Variants in ROS1 observed in about 807,000 individuals in gnomAD.
ROS1 encodes the protein ROS proto-oncogene 1, receptor tyrosine kinase.
In ROS1, 263 loss-of-function variants were observed where a neutral mutation model predicts 273.5. The ratio of observed to expected loss-of-function variants is 0.96; its 90% CI spans 0.87 to 1.06. The LOEUF is 1.06. ROS1 is among the 50% of genes least tolerant of loss of function. The pLI is 0.00. For missense variants in ROS1, 2,833 were observed against 2,751.1 expected (o/e 1.03, Z -0.67); for synonymous variants, 1,008 against 954.1 (o/e 1.06, Z -1.04).
Position 117,356,699 on chromosome 6 carries a change from T to G in ROS1, c.4056A>C (p.Ala1352=). The change falls in exon 26 of 44, where the codon GCA becomes GCC. Residue 1352 remains alanine, a synonymous_variant. Transcript: ENST00000368507. The part of the protein sequence containing the change: ...LEKPLIYFAK[A]QEIWAMDLEG... ...CCAGATCCATTGCCCAGATCTCTTG[T>G]GCTTTGGCAAAGTATATCAATGGTT... 6.2e-7 allele frequency: 1 copy of G among 1,614,190 alleles called. No individual in the cohort carries two copies. The highest frequency in any genetic ancestry group is 8.5e-7 in the Non-Finnish European group (1 of 1,180,008).
intron 13 of ROS1, 144 bp downstream of exon 13, chr6:117,389,206 C>CT (rs904926452): frequency 5.1e-4 from 459 of 900,610 alleles, no homozygotes; most frequent in Middle Eastern, 1.1e-3. Flanking sequence ...AATGTATAAA[C>CT]TTTTTTTTTA....
chr6:117,288,899 CA>C (rs1402105805), intron 43 of ROS1, 97 bp from the exon 44 acceptor site: 2 of 956,392 alleles, frequency 2.1e-6, no homozygotes, highest in Non-Finnish European at 3.0e-6. Context: ...ACCAACTTTA[CA>C]CATTTGTTCA....
At chr6:117,348,116 G>C (rs1010325490) in intron 27 of ROS1, among the ~76,000 whole-genome samples, 10 of 152,014 alleles carry the variant, frequency 6.6e-5, no homozygotes, top group Non-Finnish European at 1.3e-4. Context: ...CTAATTGGAA[G>C]TAGGCCCTCT....
chr6:117,406,787 G>A lies in ROS1; in HGVS notation c.317-2359C>T, dbSNP rs187471695. On this transcript the variant is annotated intron_variant, in intron 5 of 43. Transcript: ENST00000368507. ...TTTGGTAGATATTTGAAACAAATACGAAATTGAAAGATAAAACTGTATATT... is the reference window on the plus strand; with the variant it reads ...TTTGGTAGATATTTGAAACAAATACAAAATTGAAAGATAAAACTGTATATT... Among the ~76,000 whole-genome samples the A allele has an allele frequency of 8.6e-5, 13 of 151,502 alleles. No homozygotes were observed. In the East Asian group the frequency reaches 1.4e-3, roughly 16 times the overall value.
At chr6:117,418,396 G>T (rs1775492973) in intron 2 of ROS1, 66 bp downstream of exon 2, 1 of 1,115,514 alleles carries the variant, frequency 9.0e-7, no homozygotes. Flanking sequence ...GATAAAATCT[G>T]ATCATTGTCC....
intron 1 of ROS1, among the ~76,000 whole-genome samples, chr6:117,423,511 T>C (rs1339357316): frequency 6.6e-6 from 1 of 152,206 alleles, no homozygotes; most frequent in African/African-American, 2.4e-5. Context: ...TGTTTGTTGT[T>C]TTCTGCAGCA....
rs2128661983 is a variant in ROS1 at position 117,366,092 on chromosome 6, G to A, written c.2781C>T (p.Ser927=). 1 of 1,613,642 alleles carries A rather than the reference G, an allele frequency of 6.2e-7. No individual in the cohort carries two copies. The highest frequency in any genetic ancestry group is 1.1e-5 in the South Asian group (1 of 91,070). The change falls in exon 19 of 44, where the codon TCC becomes TCT. Residue 927 remains serine, a synonymous_variant. Coordinates refer to ENST00000368507, the MANE Select transcript of ROS1 (RefSeq NM_001378902.1). The part of the protein sequence containing the change: ...RFNQFTIIQT[S]LKPLPGNFSF... Reference sequence around the variant, plus strand: ...ATACTGTACCTGGCAGGGGCTTAAGGGATGTCTGAATAATTGTGAACTGAT... The same window carrying A: ...ATACTGTACCTGGCAGGGGCTTAAGAGATGTCTGAATAATTGTGAACTGAT...
Position 117,366,188 on chromosome 6 carries a change from G to C in ROS1, c.2685C>G (p.Gly895=), listed in dbSNP as rs1311387053. 6.2e-6 allele frequency: 10 copies of C among 1,613,898 alleles called. No individual in the cohort carries two copies. The Admixed American group carries it at 1.7e-4, about 27-fold the overall frequency. The change falls in exon 19 of 44, where the codon GGC becomes GGG. Residue 895 remains glycine (G), a synonymous_variant. Coordinates refer to ENST00000368507, the MANE Select transcript of ROS1 (RefSeq NM_001378902.1). Reference sequence around the variant, plus strand: ...TTTCTTGAGTTGTGATAATCCTAAAGCCATTGATCCAGAACAGCCGACCAC... The same window carrying C: ...TTTCTTGAGTTGTGATAATCCTAAACCCATTGATCCAGAACAGCCGACCAC... ...YYSGRLFWIN[G]FRIITTQEIG...
rs1491282002 is a variant in ROS1 at position 117,326,091 on chromosome 6, T to TATA, written c.5539+132_5539+133insTAT. Reference sequence around the variant, plus strand: ...TAGTTTAATAGTTTGGATAATAAGATTATATATATATATATATATATATAT... The same window carrying TATA: ...TAGTTTAATAGTTTGGATAATAAGATATATATATATATATATATATATATATAT... On this transcript the variant is annotated intron_variant, in intron 34 of 43. Coordinates refer to ENST00000368507, the MANE Select transcript of ROS1 (RefSeq NM_001378902.1). 364 of 148,312 alleles carry TATA rather than the reference T, an allele frequency of 2.5e-3. 6 individuals are homozygous for TATA. The highest frequency in any genetic ancestry group is 9.4e-3 in the Admixed American group (112 of 11,962). 9.2% of individuals were successfully genotyped at this position (148,312 alleles called of 1,614,324 possible). A position where few individuals can be genotyped will look rare whatever the true frequency, so the allele number is the denominator to read the frequency against.
chr6:117,311,218 T>C, intron 39 of ROS1, 101 bp from the exon 40 acceptor site: 1 of 540,058 alleles, frequency 1.9e-6, no homozygotes, highest in Non-Finnish European at 3.2e-6. Context: ...TGCATATGCA[T>C]GTATGTATCT....
intron 33 of ROS1, among the ~76,000 whole-genome samples, chr6:117,327,786 CAT>C (rs1776751511): frequency 6.6e-6 from 1 of 152,152 alleles, no homozygotes; most frequent in African/African-American, 2.4e-5. Context: ...AAGATGAGGT[CAT>C]AGTAGTTTAG....
rs2128521433 is a variant in ROS1 at position 117,288,804 on chromosome 6, T to C, written c.6716-2A>G. ...AACAAATCACATCGCCATCTTCACCTGTGAAAAAAATATGAATGTTATTCT... is the reference window on the plus strand; with the variant it reads ...AACAAATCACATCGCCATCTTCACCCGTGAAAAAAATATGAATGTTATTCT... On this transcript the variant is annotated splice_acceptor_variant, in intron 43 of 43. Transcript: ENST00000368507. LOFTEE classifies it high-confidence loss of function. 1.3e-6 allele frequency: 2 copies of C among 1,578,630 alleles called. No individual in the cohort carries two copies. The highest frequency in any genetic ancestry group is 8.6e-7 in the Non-Finnish European group (1 of 1,165,576).
intron 25 of ROS1, 41 bp from the exon 26 acceptor site, chr6:117,356,956 A>C: frequency 6.7e-7 from 1 of 1,497,996 alleles, no homozygotes; most frequent in Non-Finnish European, 9.1e-7. Flanking sequence ...AATGAGTAAA[A>C]TACATCATTT....
intron 21 of ROS1, among the ~76,000 whole-genome samples, chr6:117,363,240 G>T (rs1779953813): frequency 6.6e-6 from 1 of 152,166 alleles, no homozygotes; most frequent in Non-Finnish European, 1.5e-5. Flanking sequence ...AGGTGAAAAT[G>T]TCATCATCAG....
intron 27 of ROS1, among the ~76,000 whole-genome samples, chr6:117,345,379 A>C (rs962589393): frequency 1.3e-5 from 2 of 151,836 alleles, no homozygotes; most frequent in African/African-American, 4.8e-5. Flanking sequence ...ACTCCACTTC[A>C]CGTGTTCTTC....
At chr6:117,338,187 G>T (rs1425905974) in intron 31 of ROS1, among the ~76,000 whole-genome samples, 1 of 152,044 alleles carries the variant, frequency 6.6e-6, no homozygotes, top group African/African-American at 2.4e-5. Context: ...TCATAAAAAG[G>T]TCAGTTTCCA....
intron 5 of ROS1, among the ~76,000 whole-genome samples, chr6:117,408,409 G>A (rs905079367): frequency 2.0e-5 from 3 of 152,168 alleles, no homozygotes; most frequent in South Asian, 2.1e-4. Context: ...CGAAGGATAC[G>A]AACAGGCACT....
chr6:117,419,270 G>A (rs777306635), intron 1 of ROS1, among the ~76,000 whole-genome samples: 11 of 152,174 alleles, frequency 7.2e-5, no homozygotes, highest in Admixed American at 6.5e-4. Context: ...ATACTGATGT[G>A]CTAAAGGAGT....
intron 1 of ROS1, among the ~76,000 whole-genome samples, chr6:117,424,913 A>G (rs971465227): frequency 5.9e-5 from 9 of 152,294 alleles, no homozygotes; most frequent in African/African-American, 2.2e-4. Flanking sequence ...AAGTTAATTC[A>G]GTGACTGTTT....
Sources: gnomAD v4.1 joint callset for allele counts (sites outside exome capture counted in the v4.1 genomes callset) on GRCh38, gnomAD v4.1.1 for gene constraint, MANE v1.5 for transcripts, NCBI Gene and HGNC (gene_info 2026-07-23, HGNC 2026-07-21) for gene names.